The following LINGO2 variants were observed in gnomAD, a reference collection of about 807,000 sequenced individuals.
The protein encoded by LINGO2 is leucine-rich repeat and immunoglobulin-like domain-containing nogo receptor-interacting protein 2.
A neutral mutation model predicts 30.6 loss-of-function variants in LINGO2; 14 were observed. The observed-to-expected ratio is 0.46, with a 90% CI of 0.30 to 0.72. The LOEUF is 0.72. Ranked by LOEUF, LINGO2 falls within the 30% of genes least tolerant of loss-of-function variation. The probability of loss-of-function intolerance (pLI) is 0.07; values close to 1 mark genes in which losing one functional copy is unlikely to be tolerated. For missense variants in LINGO2, 729 were observed against 751.7 expected (o/e 0.97, Z 0.35); for synonymous variants, 317 against 288.5 (o/e 1.10, Z -1.00).
intron 3 of LINGO2, among the ~76,000 whole-genome samples, chr9:28,368,635 A>C (rs932035219): frequency 7.5e-6 from 1 of 132,714 alleles, no homozygotes; most frequent in Non-Finnish European, 1.5e-5. Context: ...CTCGCTTTGT[A>C]GCCCAGGTTG....
chr9:28,961,171 C>T, the LINGO2 span, among the ~76,000 whole-genome samples: 1 of 152,226 alleles, frequency 6.6e-6, no homozygotes, highest in Middle Eastern at 3.4e-3. Context: ...GATGGCAATA[C>T]AATCTTACTG....
chr9:28,422,794 C>T (rs1391184343), intron 2 of LINGO2, among the ~76,000 whole-genome samples: 3 of 151,996 alleles, frequency 2.0e-5, no homozygotes, highest in South Asian at 2.1e-4. Flanking sequence ...TAGATGAATA[C>T]ATTAATAAAA....
intron 5 of LINGO2, among the ~76,000 whole-genome samples, chr9:27,959,520 C>T (rs1347595801): frequency 1.3e-5 from 2 of 152,152 alleles, no homozygotes; most frequent in Non-Finnish European, 2.9e-5. Context: ...TCTAAATCAT[C>T]TTCTAAATCC....
intron 1 of LINGO2, among the ~76,000 whole-genome samples, chr9:28,525,203 T>C: frequency 6.6e-6 from 1 of 152,100 alleles, no homozygotes; most frequent in South Asian, 2.1e-4. Flanking sequence ...AGACAGACAA[T>C]AACAAATGTT....
At chr9:28,800,567 G>A in the LINGO2 span, among the ~76,000 whole-genome samples, 1 of 152,002 alleles carries the variant, frequency 6.6e-6, no homozygotes, top group Non-Finnish European at 1.5e-5. Flanking sequence ...AATGCTAGCA[G>A]TAGCCGTATC....
the LINGO2 span, among the ~76,000 whole-genome samples, chr9:29,040,581 T>C: frequency 6.7e-6 from 1 of 150,020 alleles, no homozygotes; most frequent in East Asian, 2.0e-4. Context: ...AAAAAAGAGA[T>C]ACATAATTAT....
chr9:29,192,218 C>T, the LINGO2 span, among the ~76,000 whole-genome samples: 4 of 152,098 alleles, frequency 2.6e-5, no homozygotes, highest in Non-Finnish European at 5.9e-5. Flanking sequence ...TTAGATACCC[C>T]TACCATATGT....
chr9:28,885,020 A>G, the LINGO2 span, among the ~76,000 whole-genome samples: 21 of 98,974 alleles, frequency 2.1e-4, no homozygotes, highest in Non-Finnish European at 4.1e-4. Context: ...ATATATATAT[A>G]TATGGCTAAA....
At chr9:29,202,480 CA>C in the LINGO2 span, among the ~76,000 whole-genome samples, 1 of 151,938 alleles carries the variant, frequency 6.6e-6, no homozygotes, top group East Asian at 1.9e-4. Context: ...CATTCATTAG[CA>C]CTTTATTCTT....
chr9:29,206,418 C>T, the LINGO2 span, among the ~76,000 whole-genome samples: 50 of 152,300 alleles, frequency 3.3e-4, no homozygotes, highest in East Asian at 8.9e-3. Context: ...CACAAGGAGT[C>T]TATCGATGTT....
intron 4 of LINGO2, among the ~76,000 whole-genome samples, chr9:28,274,069 C>G (rs1823034097): frequency 6.6e-6 from 1 of 152,030 alleles, no homozygotes; most frequent in Non-Finnish European, 1.5e-5. Context: ...TATTTGAGAG[C>G]TAAAATGGAG....
the LINGO2 span, among the ~76,000 whole-genome samples, chr9:28,973,518 T>C: frequency 6.6e-6 from 1 of 152,168 alleles, no homozygotes; most frequent in South Asian, 2.1e-4. Context: ...ATAATTCTCA[T>C]GAGATCTGAT....
chr9:29,114,826 A>G, the LINGO2 span, among the ~76,000 whole-genome samples: 1 of 151,922 alleles, frequency 6.6e-6, no homozygotes, highest in African/African-American at 2.4e-5. Context: ...GGGTTTTAAT[A>G]TATTTAAAAA....
chr9:28,823,266 A>G, the LINGO2 span, among the ~76,000 whole-genome samples: 2 of 152,206 alleles, frequency 1.3e-5, no homozygotes, highest in Non-Finnish European at 2.9e-5. Context: ...ATATTATGGA[A>G]GCAACATTAC....
At chr9:28,304,600 T>C (rs940696635) in intron 3 of LINGO2, among the ~76,000 whole-genome samples, 1 of 152,050 alleles carries the variant, frequency 6.6e-6, no homozygotes, top group Non-Finnish European at 1.5e-5. Context: ...AAAGATTTGT[T>C]TCACCTGTTC....
chr9:29,118,054 T>G, the LINGO2 span, among the ~76,000 whole-genome samples: 3 of 152,130 alleles, frequency 2.0e-5, no homozygotes, highest in Non-Finnish European at 4.4e-5. Context: ...TGAAAATTGT[T>G]GACCAAGATC....
chr9:28,545,998 G>C (rs112770832), intron 1 of LINGO2, among the ~76,000 whole-genome samples: 74 of 152,068 alleles, frequency 4.9e-4, no homozygotes, highest in African/African-American at 1.7e-3. Context: ...ACTACTCTAA[G>C]TATTCTTCAC....
the LINGO2 span, among the ~76,000 whole-genome samples, chr9:28,779,586 C>T: frequency 2.2e-4 from 34 of 152,134 alleles, no homozygotes; most frequent in Non-Finnish European, 4.4e-4. Context: ...GAGACCCCTT[C>T]ATTGTGCTGC....
intron 1 of LINGO2, among the ~76,000 whole-genome samples, chr9:28,573,543 T>C (rs1823807672): frequency 6.6e-6 from 1 of 152,132 alleles, no homozygotes; most frequent in East Asian, 1.9e-4. Context: ...CATCAAAATG[T>C]ACTGCAGGAA....
Sources: gnomAD v4.1 joint callset for allele counts (sites outside exome capture counted in the v4.1 genomes callset) on GRCh38, gnomAD v4.1.1 for gene constraint, MANE v1.5 for transcripts, NCBI Gene and HGNC (gene_info 2026-07-23, HGNC 2026-07-21) for gene names.